EYS: variants seen among roughly 807,000 people sequenced by gnomAD.
EYS encodes the protein protein eyes shut homolog.
In EYS, 250 loss-of-function variants were observed where a neutral mutation model predicts 282.1. That is an observed-to-expected ratio of 0.89 (90% CI 0.80 to 0.98). The LOEUF (loss-of-function observed/expected upper bound fraction) is 0.98, where lower values mean the gene tolerates loss of function less well. EYS is among the 50% of genes least tolerant of loss of function. The pLI is 0.00. For missense variants in EYS, 4,016 were observed against 3,709.0 expected, an observed-to-expected ratio of 1.08 and a Z score of -2.15; for synonymous variants, 1,355 against 1,282.9, an observed-to-expected ratio of 1.06 and a Z score of -1.20.
At chr6:64,138,282 A>T (rs891014345) in intron 31 of EYS, among the ~76,000 whole-genome samples, 7 of 152,150 alleles carry the variant, frequency 4.6e-5, no homozygotes, top group African/African-American at 1.2e-4. Context: ...AACTCAAAAT[A>T]ATCTTTCTGG....
intron 12 of EYS, among the ~76,000 whole-genome samples, chr6:65,116,716 A>T (rs537221692): frequency 7.9e-5 from 12 of 152,322 alleles, no homozygotes; most frequent in African/African-American, 2.6e-4. Context: ...CAACAAAAAA[A>T]CAAAAACAGA....
At chr6:65,420,135 A>T (rs1234453574) in intron 5 of EYS, among the ~76,000 whole-genome samples, 1 of 152,002 alleles carries the variant, frequency 6.6e-6, no homozygotes, top group Non-Finnish European at 1.5e-5. Context: ...TAAGACAACA[A>T]GCTTTCATTT....
At chr6:63,866,260 A>C (rs1562067558) in intron 35 of EYS, among the ~76,000 whole-genome samples, 1 of 152,152 alleles carries the variant, frequency 6.6e-6, no homozygotes, top group Non-Finnish European at 1.5e-5. Flanking sequence ...TTAGAAACTT[A>C]ATGTTGTTTG....
intron 19 of EYS, among the ~76,000 whole-genome samples, chr6:64,857,322 C>G (rs1046818376): frequency 7.2e-5 from 11 of 152,152 alleles, no homozygotes; most frequent in African/African-American, 2.7e-4. Context: ...ATGAGTTCAA[C>G]ACTTTAGATT....
At chr6:63,777,964 C>A in intron 40 of EYS, 42 bp downstream of exon 40, 1 of 1,534,624 alleles carries the variant, frequency 6.5e-7, no homozygotes, top group Non-Finnish European at 8.8e-7. Context: ...AGTTAGAGTG[C>A]AAACAACCTG....
intron 22 of EYS, among the ~76,000 whole-genome samples, chr6:64,778,586 T>C (rs1468876036): frequency 6.6e-6 from 1 of 152,158 alleles, no homozygotes; most frequent in Non-Finnish European, 1.5e-5. Flanking sequence ...AAATGTGGCT[T>C]GGTCAAGAGA....
chr6:64,345,906 C>T (rs577468007), intron 29 of EYS, among the ~76,000 whole-genome samples: 3 of 152,250 alleles, frequency 2.0e-5, no homozygotes, highest in African/African-American at 4.8e-5. Flanking sequence ...TGAACAGACA[C>T]TTCTCAAAAG....
Position 64,591,581 on chromosome 6 carries a change from C to G in EYS, c.4286G>C (p.Arg1429Thr). Reference protein sequence around the residue: ...LSATPTTSVIRSIPGADIELN... With the variant: ...LSATPTTSVITSIPGADIELN... The stretch of plus-strand genomic sequence containing the variant: ...CTCAATATCAGCCCCTGGAATGCTT[C>G]TAATTACTGAAGTCGTTGGGGTAGC... Residue 1429 changes from arginine (R) to threonine (T), a missense_variant, in exon 26 of 43, where the codon AGA becomes ACA. By Grantham distance (71) the Arg-to-Thr change is moderately conservative. Coordinates refer to ENST00000503581, the MANE Select transcript of EYS (RefSeq NM_001142800.2). 1 of 1,551,208 alleles carries G rather than the reference C, an allele frequency of 6.4e-7. No individual in the cohort carries two copies. Among genetic ancestry groups the G allele is most frequent in the Non-Finnish European group, 8.7e-7 (1 of 1,146,730 alleles).
At chr6:63,795,877 A>T (rs1013577224) in intron 37 of EYS, among the ~76,000 whole-genome samples, 33 of 152,114 alleles carry the variant, frequency 2.2e-4, no homozygotes, top group African/African-American at 8.0e-4. Context: ...AGGAGAGAAA[A>T]TTGTCAGAAC....
At chr6:63,788,529 C>T (rs1470258976) in intron 38 of EYS, among the ~76,000 whole-genome samples, 1 of 152,172 alleles carries the variant, frequency 6.6e-6, no homozygotes, top group Non-Finnish European at 1.5e-5. Flanking sequence ...ATTTAGCCTT[C>T]CTCCTCTGCT....
At chr6:65,217,413 TATA>T (rs1766343542) in intron 12 of EYS, among the ~76,000 whole-genome samples, 1 of 152,080 alleles carries the variant, frequency 6.6e-6, no homozygotes, top group Non-Finnish European at 1.5e-5. Flanking sequence ...TATGATCACT[TATA>T]ATAAGGTATT....
At chr6:65,161,661 T>C (rs914613607) in intron 12 of EYS, among the ~76,000 whole-genome samples, 1 of 150,954 alleles carries the variant, frequency 6.6e-6, no homozygotes, top group African/African-American at 2.4e-5. Flanking sequence ...GCCTTACTTA[T>C]CTCAAAGAGA....
intron 32 of EYS, among the ~76,000 whole-genome samples, chr6:64,081,385 A>G (rs534117531): frequency 4.0e-5 from 6 of 151,874 alleles, no homozygotes; most frequent in South Asian, 4.1e-4. Context: ...CCTTAAGCAA[A>G]TACTGTTAAT....
chr6:64,334,131 CAA>C (rs1345932858), intron 29 of EYS, among the ~76,000 whole-genome samples: 3 of 152,160 alleles, frequency 2.0e-5, no homozygotes, highest in African/African-American at 7.2e-5. Flanking sequence ...GCTTTATAGA[CAA>C]TTCCTCTGTG....
chr6:63,877,345 A>C (rs1043988632), intron 35 of EYS, among the ~76,000 whole-genome samples: 15 of 152,168 alleles, frequency 9.9e-5, no homozygotes, highest in African/African-American at 3.1e-4. Context: ...ATCTGCTGTT[A>C]TTCTGATGGG....
At chr6:65,368,311 G>A (rs1288678464) in intron 8 of EYS, among the ~76,000 whole-genome samples, 3 of 151,550 alleles carry the variant, frequency 2.0e-5, no homozygotes, top group Non-Finnish European at 4.4e-5. Context: ...TTTTGTCCTA[G>A]ATCTATTAAG....
rs1306447888 is a variant in EYS at position 64,307,071 on chromosome 6, T to C, written c.6090A>G (p.Pro2030=). 1 of 1,443,362 alleles carries C rather than the reference T, an allele frequency of 6.9e-7. No individual in the cohort carries two copies. 89.4% of individuals were successfully genotyped at this position (1,443,362 alleles called of 1,614,324 possible). Residue 2030 remains proline, a synonymous_variant, in exon 30 of 43, where the codon CCA becomes CCG. Coordinates refer to ENST00000503581, the MANE Select transcript of EYS (RefSeq NM_001142800.2). ...CTATGCAGCCAGTAAAATTCTTGAC[T>C]GGTACAGGCATCTGAGAGAGAGAGA... ...DLHGKIQMPV[P]VKNFTGCIEV...
At chr6:64,473,011 G>A (rs1347997713) in intron 26 of EYS, among the ~76,000 whole-genome samples, 1 of 152,018 alleles carries the variant, frequency 6.6e-6, no homozygotes, top group Non-Finnish European at 1.5e-5. Context: ...TTTCAGCTTT[G>A]ATCTTTCATT....
At position 65,362,394 on chromosome 6, in the gene EYS, G is replaced by A. The variant is rs113594058; in HGVS notation, c.1300-8777C>T. Among the ~76,000 whole-genome samples the A allele has an allele frequency of 2.0e-3, 305 of 152,108 alleles. 2 individuals are homozygous for A. Among genetic ancestry groups the A allele is most frequent in the African/African-American group, 7.2e-3 (297 of 41,538 alleles). Reference sequence around the variant, plus strand: ...GTTACTCCAAGATGCTGCAAGTTGAGTATGTCATTTAAACACACATAGATA... The same window carrying A: ...GTTACTCCAAGATGCTGCAAGTTGAATATGTCATTTAAACACACATAGATA... On this transcript the variant is annotated intron_variant, in intron 8 of 42. Coordinates refer to ENST00000503581, the MANE Select transcript of EYS (RefSeq NM_001142800.2).
Sources: gnomAD v4.1 joint callset for allele counts (sites outside exome capture counted in the v4.1 genomes callset) on GRCh38, gnomAD v4.1.1 for gene constraint, MANE v1.5 for transcripts, NCBI Gene and HGNC (gene_info 2026-07-23, HGNC 2026-07-21) for gene names.